Variants in NSUN7 observed in about 807,000 individuals in gnomAD.
NSUN7 encodes protein NSUN7.
NSUN7 carries 39 observed loss-of-function variants against 58.5 expected under a neutral mutation model. That is an observed-to-expected ratio of 0.67 (90% CI 0.52 to 0.87). NSUN7 has a LOEUF of 0.87. Among genes scored for constraint, NSUN7 ranks in the 40% least tolerant of loss-of-function variants. The pLI is 0.00. For missense variants in NSUN7, 765 were observed against 844.1 expected, an observed-to-expected ratio of 0.91 and a Z score of 1.16; for synonymous variants, 278 against 303.7, an observed-to-expected ratio of 0.92 and a Z score of 0.88.
chr4:40,761,363 A>G (rs1741456822), intron 4 of NSUN7, 62 bp downstream of exon 4: 6 of 1,306,118 alleles, frequency 4.6e-6, no homozygotes. Context: ...TTATTGGTAA[A>G]ATTACATACA....
Position 40,807,211 on chromosome 4 carries a change from T to A in NSUN7, c.1524+27T>A, listed in dbSNP as rs185899943. The A allele has an allele frequency of 2.0e-5, 30 of 1,535,038 alleles. No homozygotes were observed. In the East Asian group the frequency reaches 7.4e-4, roughly 38 times the overall value. On this transcript the variant is annotated intron_variant, in intron 11 of 11. Coordinates refer to ENST00000381782, the MANE Select transcript of NSUN7 (RefSeq NM_024677.6). Reference sequence around the variant, plus strand: ...TAAGGAAAAAAAATCCTAATCCATGTCATACTTTGGAATTAATAAACTACA... The same window carrying A: ...TAAGGAAAAAAAATCCTAATCCATGACATACTTTGGAATTAATAAACTACA...
intron 10 of NSUN7, among the ~76,000 whole-genome samples, chr4:40,805,532 T>C (rs1743776022): frequency 6.6e-6 from 1 of 152,226 alleles, no homozygotes; most frequent in Non-Finnish European, 1.5e-5. Flanking sequence ...ACCCAGATAA[T>C]ATCCCTATCT....
At chr4:40,758,325 A>G (rs1741276906) in intron 2 of NSUN7, among the ~76,000 whole-genome samples, 1 of 152,224 alleles carries the variant, frequency 6.6e-6, no homozygotes, top group Non-Finnish European at 1.5e-5. Flanking sequence ...AAAAAAGTAC[A>G]AAAAGTATGA....
Position 40,775,003 on chromosome 4 carries a change from G to T in NSUN7, c.825+53G>T. On this transcript the variant is annotated intron_variant, in intron 6 of 11. Transcript: ENST00000381782. This position sits in a 1 kb window ranked among gnomAD's most constrained non-coding sequence, Gnocchi z 4.3. ...TTCTCAACAATCCAACCTAGCCAAA[G>T]AACTTCTCCACTTAAAAATAAAACC... 1.3e-6 allele frequency: 1 copy of T among 745,184 alleles called. No homozygotes were observed. The highest frequency in any genetic ancestry group is 2.2e-6 in the Non-Finnish European group (1 of 462,902). The allele number at this position is 745,184 out of a possible 1,614,324, so 46.2% of individuals were successfully genotyped here. A position where few individuals can be genotyped will look rare whatever the true frequency, so the allele number is the denominator to read the frequency against.
intron 4 of NSUN7, among the ~76,000 whole-genome samples, chr4:40,764,956 G>A (rs1164086986): frequency 6.7e-6 from 1 of 150,324 alleles, no homozygotes; most frequent in Non-Finnish European, 1.5e-5. Flanking sequence ...ATTTGTTTGA[G>A]TTCATTGTAG....
At chr4:40,795,195 C>T (rs555210598) in intron 9 of NSUN7, among the ~76,000 whole-genome samples, 2 of 152,216 alleles carry the variant, frequency 1.3e-5, no homozygotes, top group East Asian at 3.9e-4. Flanking sequence ...GGCATAGACC[C>T]CATCTATATT....
intron 2 of NSUN7, among the ~76,000 whole-genome samples, chr4:40,757,723 TATACAC>T (rs1465029122): frequency 3.7e-5 from 2 of 53,788 alleles, no homozygotes; most frequent in Non-Finnish European, 7.1e-5. Flanking sequence ...TGTGTGTATA[TATACAC>T]ACACACACAC....
chr4:40,755,772 T>A lies in NSUN7; in HGVS notation c.299-4662T>A, dbSNP rs148174395. On this transcript the variant is annotated intron_variant, in intron 2 of 11. Transcript: ENST00000381782. ...TACTCATGGTTATAGTTTATTACAG[T>A]GAAAGGACAGATTAAAATCAGCAAC... 6.8e-3 allele frequency among the ~76,000 whole-genome samples: 1,037 copies of A among 152,246 alleles called. 10 individuals carry two copies. The highest frequency in any genetic ancestry group is 0.012 in the Non-Finnish European group (804 of 68,028).
chr4:40,766,003 G>A (rs1046402753), intron 4 of NSUN7, among the ~76,000 whole-genome samples: 2 of 152,132 alleles, frequency 1.3e-5, no homozygotes, highest in African/African-American at 4.8e-5. Flanking sequence ...GGGTTTCCTA[G>A]ATATACAATC....
At chr4:40,799,091 T>G (rs924700588) in intron 10 of NSUN7, among the ~76,000 whole-genome samples, 187 bp downstream of exon 10, 2 of 141,744 alleles carry the variant, frequency 1.4e-5, no homozygotes, top group Admixed American at 7.1e-5. Flanking sequence ...TTTTTTTTTT[T>G]TTTTTTTTTT....
intron 2 of NSUN7, among the ~76,000 whole-genome samples, chr4:40,759,847 C>T (rs944711297): frequency 6.6e-6 from 1 of 152,174 alleles, no homozygotes; most frequent in African/African-American, 2.4e-5. Context: ...TCGAGACCAG[C>T]CTGGCCAACA....
chr4:40,753,879 T>G (rs1249763790), intron 2 of NSUN7, among the ~76,000 whole-genome samples: 1 of 152,146 alleles, frequency 6.6e-6, no homozygotes, highest in Non-Finnish European at 1.5e-5. Flanking sequence ...GCACAAGCTC[T>G]CTTCCCTTGT....
chr4:40,787,225 T>C (rs1742869466), intron 7 of NSUN7, among the ~76,000 whole-genome samples: 1 of 151,912 alleles, frequency 6.6e-6, no homozygotes, highest in African/African-American at 2.4e-5. Context: ...ACCAGAGACC[T>C]TTGTTCATGT....
At chr4:40,755,075 A>G (rs1015080987) in intron 2 of NSUN7, among the ~76,000 whole-genome samples, 1 of 152,210 alleles carries the variant, frequency 6.6e-6, no homozygotes, top group Non-Finnish European at 1.5e-5. Context: ...TCAAAGCAGT[A>G]GAGTACCAGT....
rs1268512294 is a variant in NSUN7 at position 40,810,943 on chromosome 4, G to GAA, written c.*2007_*2008dup. On this transcript the variant is annotated 3_prime_UTR_variant, in exon 12 of 12. Transcript: ENST00000381782. Reference sequence around the variant, plus strand: ...TTCGGGCCCTCCACCATACCAGACTGAAAAGTATTCCATTGTCCAGAAGTA... The same window carrying GAA: ...TTCGGGCCCTCCACCATACCAGACTGAAAAAAGTATTCCATTGTCCAGAAGTA... 6.6e-6 allele frequency: 1 copy of GAA among 152,112 alleles called. No homozygotes were observed. Among genetic ancestry groups the GAA allele is most frequent in the South Asian group, 2.1e-4 (1 of 4,828 alleles). 9.4% of individuals were successfully genotyped at this position (152,112 alleles called of 1,614,324 possible).
chr4:40,806,938 T>C (rs1178941804), intron 10 of NSUN7, 123 bp from the exon 11 acceptor site: 1 of 973,432 alleles, frequency 1.0e-6, no homozygotes, highest in Admixed American at 3.1e-5. Flanking sequence ...GTGTTCTTGA[T>C]TGGAATTTCT....
At chr4:40,766,664 T>C (rs1353751009) in intron 4 of NSUN7, among the ~76,000 whole-genome samples, 1 of 152,308 alleles carries the variant, frequency 6.6e-6, no homozygotes, top group South Asian at 2.1e-4. Context: ...ATGGTACCAG[T>C]TCCTCCTTGT....
intron 4 of NSUN7, among the ~76,000 whole-genome samples, chr4:40,767,208 T>C (rs1035697382): frequency 6.6e-6 from 1 of 152,212 alleles, no homozygotes; most frequent in African/African-American, 2.4e-5. Context: ...CTTCTTTCTC[T>C]TGTGGGCATT....
Position 40,750,692 on chromosome 4 carries a change from A to G in NSUN7, c.-2A>G, listed in dbSNP as rs1415630982. On this transcript the variant is annotated 5_prime_UTR_variant, in exon 2 of 12. Transcript: ENST00000381782. ...AGGACTCACGACAGGCGAGGGGCAG[A>G]CATGCTGAATTCCACGGGCGAACTG... is the stretch of plus-strand genomic sequence containing the variant. The G allele has an allele frequency of 7.4e-6, 12 of 1,612,346 alleles. No homozygotes were observed. The highest frequency in any genetic ancestry group is 2.7e-5 in the African/African-American group (2 of 74,890).
Sources: gnomAD v4.1 joint callset for allele counts (sites outside exome capture counted in the v4.1 genomes callset) on GRCh38, gnomAD v4.1.1 for gene constraint, Gnocchi (gnomAD v3.1) non-coding constraint, MANE v1.5 for transcripts, NCBI Gene and HGNC (gene_info 2026-07-23, HGNC 2026-07-21) for gene names.